The following CTCF variants were observed in gnomAD, a reference collection of about 807,000 sequenced individuals.
CTCF encodes the protein CCCTC-binding factor.
A neutral mutation model predicts 72.3 loss-of-function variants in CTCF; 7 were observed. The observed-to-expected ratio is 0.10, with a 90% CI of 0.06 to 0.18. The LOEUF is 0.18. Ranked by LOEUF, CTCF falls within the 10% of genes least tolerant of loss-of-function variation. The probability of loss-of-function intolerance (pLI) is 1.00; values close to 1 mark genes in which losing one functional copy is unlikely to be tolerated. For synonymous variants in CTCF, 374 were observed against 315.8 expected (o/e 1.18, Z -1.95); for missense variants, 516 against 949.1 (o/e 0.54, Z 6.00).
chr16:67,586,182 C>T (rs570864328), intron 2 of CTCF, among the ~76,000 whole-genome samples: 2 of 152,290 alleles, frequency 1.3e-5, no homozygotes, highest in South Asian at 4.1e-4. Flanking sequence ...AGGTGGAGCA[C>T]TTGAGGCCAG....
chr16:67,572,289 C>G (rs1031215344), intron 2 of CTCF, among the ~76,000 whole-genome samples: 4 of 152,182 alleles, frequency 2.6e-5, no homozygotes, highest in South Asian at 2.1e-4. Context: ...AAATAACTTA[C>G]GCCCTGCAGG....
intron 8 of CTCF, 56 bp downstream of exon 8, chr16:67,626,771 G>T (rs1330143857): frequency 3.1e-6 from 4 of 1,297,314 alleles, no homozygotes; most frequent in Non-Finnish European, 3.0e-6. Context: ...TGTTATCAGA[G>T]GGCATTTACA....
At chr16:67,633,471 G>A (rs2052390266) in intron 10 of CTCF, among the ~76,000 whole-genome samples, 1 of 152,174 alleles carries the variant, frequency 6.6e-6, no homozygotes, top group African/African-American at 2.4e-5. Flanking sequence ...CATTAGGGAG[G>A]AGAGCAAGAG....
intron 7 of CTCF, 28 bp downstream of exon 7, chr16:67,621,619 A>T: frequency 6.5e-7 from 1 of 1,540,316 alleles, no homozygotes; most frequent in East Asian, 2.3e-5. Context: ...TGAGAAGTGA[A>T]AAAAATATTT....
intron 6 of CTCF, 121 bp from the exon 7 acceptor site, chr16:67,621,321 A>G: frequency 4.3e-6 from 3 of 704,762 alleles, no homozygotes; most frequent in Non-Finnish European, 4.7e-6. Context: ...ACTGAGCCTC[A>G]GCCTTCCTAA....
intron 2 of CTCF, among the ~76,000 whole-genome samples, chr16:67,589,457 C>T (rs1005893648): frequency 6.6e-6 from 1 of 151,818 alleles, no homozygotes; most frequent in African/African-American, 2.4e-5. Context: ...AGGCAAGGTC[C>T]ACCTCATCAT....
chr16:67,625,585 C>A (rs1414056150), intron 7 of CTCF, among the ~76,000 whole-genome samples: 1 of 152,174 alleles, frequency 6.6e-6, no homozygotes, highest in Non-Finnish European at 1.5e-5. Context: ...CCCATGGGCT[C>A]AAATTCTAAC....
intron 4 of CTCF, chr16:67,615,695 T>C (rs1253377643): frequency 6.6e-6 from 1 of 152,214 alleles, no homozygotes; most frequent in Non-Finnish European, 1.5e-5. Flanking sequence ...ACCACCAGAC[T>C]ATACACTTTC....
chr16:67,574,805 C>T (rs1330985450), intron 2 of CTCF, among the ~76,000 whole-genome samples: 1 of 151,290 alleles, frequency 6.6e-6, no homozygotes, highest in Non-Finnish European at 1.5e-5. Flanking sequence ...ACTACATGCG[C>T]CCACCACCAC....
chr16:67,610,350 C>CTTTT (rs1158978403), intron 2 of CTCF, among the ~76,000 whole-genome samples: 92 of 121,388 alleles, frequency 7.6e-4, no homozygotes, highest in South Asian at 1.9e-3. Flanking sequence ...TTTTCTTTTT[C>CTTTT]TTTTTTTTTT....
At chr16:67,570,238 G>T (rs893999074) in intron 1 of CTCF, among the ~76,000 whole-genome samples, 3 of 151,704 alleles carry the variant, frequency 2.0e-5, no homozygotes, top group African/African-American at 7.3e-5. Context: ...CACCACACCC[G>T]GCTAATTTTT....
intron 3 of CTCF, 63 bp downstream of exon 3, chr16:67,611,676 G>A (rs977107735): frequency 1.4e-5 from 20 of 1,418,846 alleles, no homozygotes; most frequent in Non-Finnish European, 1.9e-5. Context: ...ACAACACAGT[G>A]CATATGCAAG....
intron 2 of CTCF, among the ~76,000 whole-genome samples, chr16:67,609,607 T>C (rs2052029949): frequency 6.6e-6 from 1 of 151,898 alleles, no homozygotes; most frequent in South Asian, 2.1e-4. Flanking sequence ...GCTCTTGACA[T>C]CTTGGGCCTG....
intron 1 of CTCF, among the ~76,000 whole-genome samples, chr16:67,565,232 C>T (rs1190644376): frequency 1.3e-5 from 2 of 152,006 alleles, no homozygotes; most frequent in East Asian, 3.9e-4. Flanking sequence ...GAACTCCTGA[C>T]CTCAGGTGAT....
intron 2 of CTCF, among the ~76,000 whole-genome samples, chr16:67,602,797 C>T (rs772114902): frequency 2.7e-5 from 4 of 147,918 alleles, no homozygotes; most frequent in South Asian, 2.1e-4. Flanking sequence ...GCCGAGATTG[C>T]GCCATTGCAC....
intron 2 of CTCF, among the ~76,000 whole-genome samples, chr16:67,604,964 AT>A (rs34873720): frequency 0.029 from 2,119 of 73,656 alleles, 4 homozygotes; most frequent in Non-Finnish European, 0.035. Context: ...TATAAATGGG[AT>A]TTTTTTTTTT....
chr16:67,565,774 C>T (rs1331506778), intron 1 of CTCF, among the ~76,000 whole-genome samples: 1 of 150,752 alleles, frequency 6.6e-6, no homozygotes, highest in Non-Finnish European at 1.5e-5. Context: ...CCTTAAGATG[C>T]ATTCAAATTC....
At chr16:67,567,348 G>T (rs754544399) in intron 1 of CTCF, among the ~76,000 whole-genome samples, 1 of 152,082 alleles carries the variant, frequency 6.6e-6, no homozygotes, top group Non-Finnish European at 1.5e-5. Flanking sequence ...AATTTTCAGG[G>T]GTAGAAAATT....
chr16:67,573,108 T>C (rs2051447102), intron 2 of CTCF, among the ~76,000 whole-genome samples: 1 of 151,328 alleles, frequency 6.6e-6, no homozygotes, highest in South Asian at 2.1e-4. Context: ...AAAAATTAGC[T>C]GGGTGTAGTG....
Sources: allele counts gnomAD v4.1 joint callset (sites outside exome capture counted in the v4.1 genomes callset), GRCh38; gene constraint gnomAD v4.1.1; transcripts MANE v1.5; gene names NCBI Gene and HGNC (gene_info 2026-07-23, HGNC 2026-07-21).